The following CSMD3 variants were observed in gnomAD, a reference collection of about 807,000 sequenced individuals.
CSMD3 encodes CUB and sushi domain-containing protein 3.
Under a neutral mutation model 435.2 loss-of-function variants are expected in CSMD3, and 177 were observed. The ratio of observed to expected loss-of-function variants is 0.41; its 90% CI spans 0.36 to 0.46. The LOEUF (loss-of-function observed/expected upper bound fraction) is 0.46, where lower values mean the gene tolerates loss of function less well. CSMD3 is among the 20% of genes least tolerant of loss of function. The pLI is 0.34. For synonymous variants in CSMD3, 1,656 were observed against 1,520.5 expected (o/e 1.09, Z -2.07); for missense variants, 4,265 against 4,504.6 (o/e 0.95, Z 1.52).
rs151052586 is a variant in CSMD3, at chr8:113,267,192, C to T, written c.514+11400G>A. Among the ~76,000 whole-genome samples the T allele has an allele frequency of 3.1e-3, 470 of 151,586 alleles. 2 individuals carry two copies. The highest frequency in any genetic ancestry group is 9.5e-3 in the African/African-American group (393 of 41,470). ...AGCCACTATAGAAAACAGTATGGAG[C>T]TTTCTTAAAAAACTAAAAATAGAAT... is the stretch of plus-strand genomic sequence containing the variant. On this transcript the variant is annotated intron_variant, in intron 3 of 70. Coordinates refer to ENST00000297405, the MANE Select transcript of CSMD3 (RefSeq NM_198123.2).
chr8:113,128,182 G>A (rs919614340), intron 4 of CSMD3, among the ~76,000 whole-genome samples: 1 of 152,038 alleles, frequency 6.6e-6, no homozygotes, highest in Non-Finnish European at 1.5e-5. Context: ...ATGAAGGTGG[G>A]AACTAAGCAG....
chr8:113,144,124 T>C (rs914311304), intron 4 of CSMD3, among the ~76,000 whole-genome samples: 7 of 150,528 alleles, frequency 4.7e-5, no homozygotes, highest in Non-Finnish European at 8.9e-5. Context: ...TTATTACTTA[T>C]TATTTATAAA....
At chr8:112,554,797 T>C (rs532076289) in intron 25 of CSMD3, among the ~76,000 whole-genome samples, 12 of 152,060 alleles carry the variant, frequency 7.9e-5, no homozygotes, top group African/African-American at 2.4e-4. Flanking sequence ...CCTCAAAAAC[T>C]AATTTTTGTT....
At chr8:113,028,034 T>C (rs1175562357) in intron 5 of CSMD3, among the ~76,000 whole-genome samples, 1 of 152,136 alleles carries the variant, frequency 6.6e-6, no homozygotes, top group Non-Finnish European at 1.5e-5. Context: ...GTGGGGTTTG[T>C]TGTTGCTGTT....
intron 4 of CSMD3, among the ~76,000 whole-genome samples, chr8:113,147,292 T>C (rs567709036): frequency 5.3e-4 from 80 of 151,814 alleles, no homozygotes; most frequent in African/African-American, 1.7e-3. Context: ...ATATAAGACA[T>C]AGACTTTGCC....
chr8:112,971,579 T>A (rs1357959705), intron 7 of CSMD3, among the ~76,000 whole-genome samples: 1 of 152,188 alleles, frequency 6.6e-6, no homozygotes, highest in Non-Finnish European at 1.5e-5. Context: ...AAATATAAAA[T>A]TTTAGCTATA....
chr8:113,423,134 C>A (rs1419736455), intron 1 of CSMD3, among the ~76,000 whole-genome samples: 1 of 151,862 alleles, frequency 6.6e-6, no homozygotes, highest in Non-Finnish European at 1.5e-5. Context: ...GACTGCATTT[C>A]GACTGTAATT....
At chr8:112,478,002 G>T (rs935223618) in intron 31 of CSMD3, among the ~76,000 whole-genome samples, 1 of 152,056 alleles carries the variant, frequency 6.6e-6, no homozygotes, top group African/African-American at 2.4e-5. Flanking sequence ...AGTCTCACAG[G>T]ATCTGATGAT....
chr8:112,895,001 G>C (rs7824036), intron 10 of CSMD3, among the ~76,000 whole-genome samples: 3,005 of 151,452 alleles, frequency 0.02, 98 homozygotes, highest in African/African-American at 0.068. Flanking sequence ...TCATGGATGA[G>C]AGTTTGACTT....
intron 32 of CSMD3, among the ~76,000 whole-genome samples, chr8:112,423,859 T>C (rs956301919): frequency 6.6e-6 from 1 of 152,164 alleles, no homozygotes; most frequent in African/African-American, 2.4e-5. Flanking sequence ...CTTTTATATA[T>C]ATATACATAT....
chr8:113,033,508 A>C (rs1235411965), intron 5 of CSMD3, among the ~76,000 whole-genome samples: 2 of 150,762 alleles, frequency 1.3e-5, no homozygotes, highest in Non-Finnish European at 3.0e-5. Flanking sequence ...CATACTTGGA[A>C]TGGGAACATT....
At position 112,726,449 on chromosome 8, in the gene CSMD3, G is replaced by T. The variant is rs1038319342; in HGVS notation, c.1973-36399C>A. ...TATTATGTACTTGGCAAGTAGTAAA[G>T]ATAATTTTATGAAGAGCAGGAAATG... On this transcript the variant is annotated intron_variant, in intron 13 of 70. Transcript: ENST00000297405. 2.6e-5 allele frequency among the ~76,000 whole-genome samples: 4 copies of T among 151,828 alleles called. No individual in the cohort carries two copies. In the Admixed American group the frequency reaches 2.6e-4, roughly 10 times the overall value.
At chr8:112,797,284 A>G (rs2078852037) in intron 13 of CSMD3, among the ~76,000 whole-genome samples, 1 of 151,916 alleles carries the variant, frequency 6.6e-6, no homozygotes, top group African/African-American at 2.4e-5. Flanking sequence ...AATCAGATCA[A>G]CTGAAGGTAC....
chr8:112,342,973 ATATATATATATATT>A (rs1160236358), intron 41 of CSMD3, among the ~76,000 whole-genome samples: 1,572 of 63,332 alleles, frequency 0.025, 41 homozygotes, highest in African/African-American at 0.061. Flanking sequence ...GAAATGTATT[ATATATATATATATT>A]TATATATATA....
At chr8:112,260,658 G>A (rs983234169) in intron 61 of CSMD3, among the ~76,000 whole-genome samples, 2 of 151,800 alleles carry the variant, frequency 1.3e-5, no homozygotes, top group Admixed American at 6.6e-5. Context: ...TATCTGTCCT[G>A]GAGAAGACCT....
intron 24 of CSMD3, among the ~76,000 whole-genome samples, chr8:112,570,553 T>G (rs1417376163): frequency 6.6e-6 from 1 of 152,226 alleles, no homozygotes; most frequent in Non-Finnish European, 1.5e-5. Context: ...TGGGCACAGG[T>G]GCTATGGTTG....
chr8:112,586,123 T>C (rs961692263), intron 23 of CSMD3, among the ~76,000 whole-genome samples: 9 of 151,604 alleles, frequency 5.9e-5, no homozygotes, highest in Non-Finnish European at 1.2e-4. Context: ...TAGAGAGCCA[T>C]CAATTACCAT....
chr8:112,533,872 A>C (rs1187441832), intron 27 of CSMD3, among the ~76,000 whole-genome samples: 3 of 152,128 alleles, frequency 2.0e-5, no homozygotes, highest in Admixed American at 6.6e-5. Context: ...AGGTTATGCC[A>C]CAAAACAAGT....
At chr8:112,652,163 T>C (rs1284392688) in intron 18 of CSMD3, among the ~76,000 whole-genome samples, 1 of 152,190 alleles carries the variant, frequency 6.6e-6, no homozygotes, top group African/African-American at 2.4e-5. Flanking sequence ...AATTAGACTT[T>C]ACTATTCTAA....
Sources: allele counts gnomAD v4.1 joint callset (sites outside exome capture counted in the v4.1 genomes callset), GRCh38; gene constraint gnomAD v4.1.1; transcripts MANE v1.5; gene names NCBI Gene and HGNC (gene_info 2026-07-23, HGNC 2026-07-21).